URB1: variants seen among roughly 807,000 people sequenced by gnomAD.
The protein encoded by URB1 is URB1 ribosome biogenesis factor.
Under a neutral mutation model 242.3 loss-of-function variants are expected in URB1, and 197 were observed. The observed-to-expected ratio is 0.81, with a 90% CI of 0.72 to 0.91. The LOEUF (loss-of-function observed/expected upper bound fraction) is 0.91. URB1 is among the 40% of genes least tolerant of loss of function. URB1 has a pLI of 0.00. For missense variants in URB1, 2,721 were observed against 2,860.5 expected (o/e 0.95, Z 1.11); for synonymous variants, 1,153 against 1,201.8 (o/e 0.96, Z 0.84).
chr21:32,392,431 A>C (rs1336772430), intron 1 of URB1, among the ~76,000 whole-genome samples: 1 of 152,216 alleles, frequency 6.6e-6, no homozygotes, highest in African/African-American at 2.4e-5. Flanking sequence ...GAGCCGACTC[A>C]GTAAGGACTC....
chr21:32,371,414 G>GC (rs1289915319), intron 8 of URB1, among the ~76,000 whole-genome samples: 1 of 152,186 alleles, frequency 6.6e-6, no homozygotes, highest in Non-Finnish European at 1.5e-5. Context: ...GGGGAACAAT[G>GC]CATGTGTTTT....
intron 1 of URB1, among the ~76,000 whole-genome samples, chr21:32,391,792 T>G (rs1157258761): frequency 6.6e-6 from 1 of 151,530 alleles, no homozygotes; most frequent in East Asian, 1.9e-4. Flanking sequence ...GTGGGAAGAT[T>G]GCTTGAGACT....
In URB1 at chr21:32,311,456, A is replaced by C; in HGVS notation, c.*3462T>G. The C allele has an allele frequency of 2.8e-5, 4 of 141,790 alleles. No individual in the cohort carries two copies. Among genetic ancestry groups the C allele is most frequent in the Non-Finnish European group, 5.1e-5 (4 of 78,580 alleles). The allele number at this position is 141,790 out of a possible 1,614,324, so 8.8% of individuals were successfully genotyped here. On this transcript the variant is annotated 3_prime_UTR_variant, in exon 39 of 39. Transcript: ENST00000382751. Reference sequence around the variant, plus strand: ...ATCAATGTAGGAAGAAGTGGCCTCCAGGGAAAGACCTGAGGCCTAGTTCCT... The same window carrying C: ...ATCAATGTAGGAAGAAGTGGCCTCCCGGGAAAGACCTGAGGCCTAGTTCCT...
intron 8 of URB1, among the ~76,000 whole-genome samples, chr21:32,369,597 C>G (rs560831133): frequency 1.1e-4 from 16 of 152,196 alleles, no homozygotes; most frequent in African/African-American, 3.9e-4. Flanking sequence ...GTAGCTGGGA[C>G]TAGAGGTGCA....
chr21:32,349,154 G>T, intron 21 of URB1, 150 bp downstream of exon 21: 1 of 1,040,608 alleles, frequency 9.6e-7, no homozygotes, highest in Non-Finnish European at 1.3e-6. Context: ...CATGCTGGGC[G>T]GGTGCCAGGA....
intron 5 of URB1, among the ~76,000 whole-genome samples, chr21:32,376,292 G>C (rs548855050): frequency 2.4e-4 from 37 of 152,250 alleles, no homozygotes; most frequent in African/African-American, 8.7e-4. Flanking sequence ...GGCCACCAGA[G>C]CTTGACACTG....
At chr21:32,375,370 A>C in intron 6 of URB1, 28 bp downstream of exon 6, 2 of 1,406,228 alleles carry the variant, frequency 1.4e-6, no homozygotes, top group Non-Finnish European at 1.9e-6. Context: ...AAAACAGACA[A>C]CAGAAACGCG....
intron 26 of URB1, among the ~76,000 whole-genome samples, chr21:32,338,381 A>G (rs2032987157): frequency 1.3e-5 from 2 of 152,198 alleles, no homozygotes; most frequent in Non-Finnish European, 2.9e-5. Context: ...CTCTCAGGTT[A>G]GACACCCACA....
chr21:32,363,092 G>A (rs1190126434), intron 11 of URB1, 64 bp downstream of exon 11: 2 of 1,507,474 alleles, frequency 1.3e-6, no homozygotes, highest in Non-Finnish European at 1.8e-6. Context: ...CCCTAGGGCT[G>A]CAGAATGGCC....
chr21:32,373,804 A>G, intron 6 of URB1, 32 bp from the exon 7 acceptor site: 1 of 1,475,716 alleles, frequency 6.8e-7, no homozygotes, highest in Non-Finnish European at 9.0e-7. Flanking sequence ...TTATTAAAAA[A>G]CAAATTATGA....
intron 14 of URB1, among the ~76,000 whole-genome samples, chr21:32,358,717 T>C (rs1055742618): frequency 1.3e-5 from 2 of 152,156 alleles, no homozygotes; most frequent in Admixed American, 6.5e-5. Context: ...CCCATGAGCC[T>C]AGTTGAGCTG....
intron 8 of URB1, among the ~76,000 whole-genome samples, chr21:32,370,792 G>C (rs2833790): frequency 0.15 from 23,031 of 152,182 alleles, 2,360 homozygotes; most frequent in African/African-American, 0.29. Flanking sequence ...TGGCACAACT[G>C]AGTGGTCACA....
At chr21:32,386,670 T>G (rs1243914627) in intron 1 of URB1, among the ~76,000 whole-genome samples, 1 of 152,174 alleles carries the variant, frequency 6.6e-6, no homozygotes, top group Non-Finnish European at 1.5e-5. Flanking sequence ...AACTGTAGAA[T>G]GGGTATAACA....
rs1233948414 is a variant in URB1, at chr21:32,317,012, G to A, written c.6088C>T (p.Arg2030Trp). 69 of 1,550,350 alleles carry A rather than the reference G, an allele frequency of 4.5e-5. No homozygotes were observed. Among genetic ancestry groups the A allele is most frequent in the East Asian group, 1.2e-4 (5 of 40,922 alleles). Residue 2030 changes from arginine (R) to tryptophan (W), a missense_variant, in exon 38 of 39, where the codon CGG (arginine) becomes TGG (tryptophan). Arg to Trp is a moderately radical substitution (Grantham distance 101, BLOSUM62 -3). Coordinates refer to ENST00000382751, the MANE Select transcript of URB1 (RefSeq NM_014825.3). ...TCCCCAGGCCTCCTCTTTCGGCCCC[G>A]TGGGCCTTTGGCTCGGGCTGGCATG... Reference protein sequence around the residue: ...PVMPARAKGPRGRKRRPGEAE... With the variant: ...PVMPARAKGPWGRKRRPGEAE...
At chr21:32,331,261 G>A (rs1260899428) in intron 30 of URB1, among the ~76,000 whole-genome samples, 1 of 152,160 alleles carries the variant, frequency 6.6e-6, no homozygotes, top group Non-Finnish European at 1.5e-5. Flanking sequence ...TCTAGAATGA[G>A]GAAACTGTGG....
chr21:32,316,182 T>G (rs1232928902), intron 38 of URB1, among the ~76,000 whole-genome samples: 1 of 151,792 alleles, frequency 6.6e-6, no homozygotes, highest in Admixed American at 6.6e-5. Flanking sequence ...GCCTGCGGGG[T>G]GGAGGGATGC....
chr21:32,315,095 G>A lies in URB1; in HGVS notation c.6639C>T (p.Ser2213=), dbSNP rs781152748. ...TGTAGAGAGACACTAGGAATGCTGCGGAGGCTGAACAAGAGCAGGGGATAG... is the reference window on the plus strand; with the variant it reads ...TGTAGAGAGACACTAGGAATGCTGCAGAGGCTGAACAAGAGCAGGGGATAG... ...LSEKDEATQA[S]AAFLVSLYIK... The change falls in exon 39 of 39, where the codon TCC becomes TCT. Residue 2213 remains serine (S), a synonymous_variant. Coordinates refer to ENST00000382751, the MANE Select transcript of URB1 (RefSeq NM_014825.3). The A allele has an allele frequency of 2.7e-5, 41 of 1,523,484 alleles. No individual in the cohort carries two copies. Among genetic ancestry groups the A allele is most frequent in the East Asian group, 7.4e-5 (3 of 40,352 alleles). 94.4% of individuals were successfully genotyped at this position (1,523,484 alleles called of 1,614,324 possible). A position where few individuals can be genotyped will look rare whatever the true frequency, so the allele number is the denominator to read the frequency against.
chr21:32,311,727 C>T lies in URB1; in HGVS notation c.*3191G>A, dbSNP rs1043257366. 1.2e-6 allele frequency: 2 copies of T among 1,613,974 alleles called. No individual in the cohort carries two copies. Among genetic ancestry groups the T allele is most frequent in the African/African-American group, 2.7e-5 (2 of 74,938 alleles). ...CCAAACATGCCCCTGGAGTCACGGC[C>T]TCAACCTCCACCTCTGCATCCAGAA... On this transcript the variant is annotated 3_prime_UTR_variant, in exon 39 of 39. Coordinates refer to ENST00000382751, the MANE Select transcript of URB1 (RefSeq NM_014825.3).
chr21:32,347,100 A>G lies in URB1; in HGVS notation c.3724T>C (p.Cys1242Arg), dbSNP rs972792920. The change falls in exon 22 of 39, where the codon TGC (cysteine) becomes CGC (arginine). Residue 1242 changes from cysteine to arginine, a missense_variant. By Grantham distance (180) the Cys-to-Arg change is radical. Coordinates refer to ENST00000382751, the MANE Select transcript of URB1 (RefSeq NM_014825.3). ...TGCTCGAACCACAGCAAGTGGGTGCAGCTCTCCTGGAGGAGCAGGGCAGCG... is the reference window on the plus strand; with the variant it reads ...TGCTCGAACCACAGCAAGTGGGTGCGGCTCTCCTGGAGGAGCAGGGCAGCG... Reference protein sequence around the residue: ...SIAALLLQESCTHLLWFEQWC... With the variant: ...SIAALLLQESRTHLLWFEQWC... 1 of 1,550,236 alleles carries G rather than the reference A, an allele frequency of 6.5e-7. No individual in the cohort carries two copies. Among genetic ancestry groups the G allele is most frequent in the Admixed American group, 2.0e-5 (1 of 51,006 alleles).
Sources: gnomAD v4.1 joint callset for allele counts (sites outside exome capture counted in the v4.1 genomes callset) on GRCh38, gnomAD v4.1.1 for gene constraint, MANE v1.5 for transcripts, NCBI Gene and HGNC (gene_info 2026-07-23, HGNC 2026-07-21) for gene names.